VPS37A: variants seen among roughly 807,000 people sequenced by gnomAD.
VPS37A encodes vacuolar protein sorting-associated protein 37A.
VPS37A carries 30 observed loss-of-function variants against 49.8 expected under a neutral mutation model. That is an observed-to-expected ratio of 0.60 (90% CI 0.45 to 0.82). The LOEUF is 0.82. Ranked by LOEUF, VPS37A falls within the 40% of genes least tolerant of loss-of-function variation. The pLI, the probability that VPS37A is intolerant of heterozygous loss-of-function variation, is 0.00. For missense variants in VPS37A, 593 were observed against 464.4 expected (o/e 1.28, Z -2.55); for synonymous variants, 195 against 160.6 (o/e 1.21, Z -1.62).
At chr8:17,252,968 CATTAA>C (rs1482788783) in intron 1 of VPS37A, among the ~76,000 whole-genome samples, 1 of 152,140 alleles carries the variant, frequency 6.6e-6, no homozygotes, top group African/African-American at 2.4e-5. Flanking sequence ...AACTTTGACA[CATTAA>C]ATTATATTGT....
chr8:17,289,615 G>A (rs1389948677), intron 11 of VPS37A, among the ~76,000 whole-genome samples: 1 of 152,146 alleles, frequency 6.6e-6, no homozygotes, highest in Non-Finnish European at 1.5e-5. Context: ...TTGTAGTATA[G>A]TTTGAAGTCA....
chr8:17,276,775 C>G (rs1197534435), intron 6 of VPS37A, among the ~76,000 whole-genome samples: 2 of 152,078 alleles, frequency 1.3e-5, no homozygotes, highest in Non-Finnish European at 2.9e-5. Flanking sequence ...TTATTCCTGA[C>G]AATTTCAAAA....
chr8:17,262,838 A>G (rs756949722), intron 1 of VPS37A, among the ~76,000 whole-genome samples: 49 of 152,060 alleles, frequency 3.2e-4, no homozygotes, highest in Non-Finnish European at 5.4e-4. Flanking sequence ...CGAGGCGGGC[A>G]GATCACGAGG....
intron 1 of VPS37A, among the ~76,000 whole-genome samples, chr8:17,262,810 C>A (rs1326469543): frequency 6.6e-6 from 1 of 152,054 alleles, no homozygotes; most frequent in Non-Finnish European, 1.5e-5. Flanking sequence ...CGCCTGTAAT[C>A]CTAGCACTTT....
intron 1 of VPS37A, among the ~76,000 whole-genome samples, chr8:17,250,162 C>G (rs1490960661): frequency 6.6e-6 from 1 of 152,130 alleles, no homozygotes; most frequent in African/African-American, 2.4e-5. Context: ...ATTCTGGTTT[C>G]TATGACTTCT....
intron 1 of VPS37A, among the ~76,000 whole-genome samples, chr8:17,263,981 A>G (rs1159365762): frequency 6.6e-6 from 1 of 152,170 alleles, no homozygotes; most frequent in African/African-American, 2.4e-5. Context: ...AAATCTAGAG[A>G]GGGACCAACC....
chr8:17,258,021 A>C (rs926193519), intron 1 of VPS37A, among the ~76,000 whole-genome samples: 4 of 152,122 alleles, frequency 2.6e-5, no homozygotes, highest in African/African-American at 9.7e-5. Context: ...ATCATTTCTA[A>C]CAGGTTTTTT....
chr8:17,288,125 A>C (rs1343748822), intron 11 of VPS37A, among the ~76,000 whole-genome samples: 1 of 152,202 alleles, frequency 6.6e-6, no homozygotes, highest in Admixed American at 6.5e-5. Flanking sequence ...CCAGCTTAAG[A>C]AGAAGTAGAC....
At chr8:17,298,078 C>G (rs1816846548), downstream of VPS37A, 1 of 151,950 alleles carries the variant, frequency 6.6e-6, no homozygotes, top group Non-Finnish European at 1.5e-5. Flanking sequence ...CATACACTGT[C>G]AAACGGAAGA....
chr8:17,247,068 A>C lies in VPS37A; in HGVS notation c.-177A>C, dbSNP rs573367631. On this transcript the variant is annotated 5_prime_UTR_variant, in exon 1 of 12. An upstream start codon of the reference 5' UTR is lost. Transcript: ENST00000324849. Reference sequence around the variant, plus strand: ...TCTCCAGCCGCCCGCCGTTCGTAGCATGTCCCCCAGAACTCGGGGAGCGCA... The same window carrying C: ...TCTCCAGCCGCCCGCCGTTCGTAGCCTGTCCCCCAGAACTCGGGGAGCGCA... 56 of 785,000 alleles carry C rather than the reference A, an allele frequency of 7.1e-5. No individual in the cohort carries two copies. In the Admixed American group the frequency reaches 1.2e-3, roughly 16 times the overall value. 48.6% of individuals were successfully genotyped at this position (785,000 alleles called of 1,614,324 possible). A position where few individuals can be genotyped will look rare whatever the true frequency, so the allele number is the denominator to read the frequency against.
At chr8:17,320,110 A>G in the VPS37A span, among the ~76,000 whole-genome samples, 1 of 151,984 alleles carries the variant, frequency 6.6e-6, no homozygotes, top group South Asian at 2.1e-4. Flanking sequence ...TAAATAAAAT[A>G]CATTATGAAA....
the VPS37A span, among the ~76,000 whole-genome samples, chr8:17,316,722 C>G: frequency 6.6e-6 from 1 of 152,218 alleles, no homozygotes; most frequent in African/African-American, 2.4e-5. Flanking sequence ...ACTATTTACA[C>G]AGCACCTACA....
At chr8:17,263,330 G>T (rs939106755) in intron 1 of VPS37A, among the ~76,000 whole-genome samples, 2 of 152,058 alleles carry the variant, frequency 1.3e-5, no homozygotes, top group African/African-American at 4.8e-5. Context: ...TCACATTTGT[G>T]ATGAATATTC....
downstream of VPS37A, chr8:17,298,454 C>G (rs1282386337): frequency 6.6e-6 from 1 of 152,050 alleles, no homozygotes; most frequent in Non-Finnish European, 1.5e-5. Flanking sequence ...TATATTGCAA[C>G]ACTCCCTCCA....
At chr8:17,311,225 A>G in the VPS37A span, among the ~76,000 whole-genome samples, 115 of 152,348 alleles carry the variant, frequency 7.5e-4, no homozygotes, top group Non-Finnish European at 1.2e-3. Context: ...GATATATAAA[A>G]TTGGCTTACA....
chr8:17,258,701 C>CT lies in VPS37A; in HGVS notation c.126-7203dup, dbSNP rs1313121032. Among the ~76,000 whole-genome samples the CT allele has an allele frequency of 2.0e-5, 3 of 152,092 alleles. No homozygotes were observed. In the East Asian group the frequency reaches 5.8e-4, roughly 29 times the overall value. The stretch of plus-strand genomic sequence containing the variant: ...AGCATGAGTAGAATTGTTATTAGTT[C>CT]TTTAAGTGTTTGGTAGAATTCACCA... On this transcript the variant is annotated intron_variant, in intron 1 of 11. Transcript: ENST00000324849.
chr8:17,294,610 C>T (rs1035060608), intron 11 of VPS37A, among the ~76,000 whole-genome samples: 5 of 152,140 alleles, frequency 3.3e-5, no homozygotes, highest in East Asian at 1.9e-4. Context: ...CTGTGGGTTG[C>T]GAAGACCGTG....
chr8:17,280,358 T>C lies in VPS37A; in HGVS notation c.901-17T>C, dbSNP rs1287172511. ...TTTAAAAATAGAATAAAACAACCTT[T>C]TCATTTTCTCTTTTAGTATGAATTA... On this transcript the variant is annotated splice_polypyrimidine_tract_variant and intron_variant, in intron 8 of 11. Coordinates refer to ENST00000324849, the MANE Select transcript of VPS37A (RefSeq NM_152415.3). 6.2e-7 allele frequency: 1 copy of C among 1,602,702 alleles called. No individual in the cohort carries two copies. The highest frequency in any genetic ancestry group is 2.2e-5 in the East Asian group (1 of 44,758).
the VPS37A span, among the ~76,000 whole-genome samples, chr8:17,330,022 T>G: frequency 6.6e-6 from 1 of 152,206 alleles, no homozygotes; most frequent in African/African-American, 2.4e-5. Flanking sequence ...GGCCTAATCC[T>G]GTCATTCTGC....
Sources: gnomAD v4.1 joint callset for allele counts (sites outside exome capture counted in the v4.1 genomes callset) on GRCh38, gnomAD v4.1.1 for gene constraint, MANE v1.5 for transcripts, NCBI Gene and HGNC (gene_info 2026-07-23, HGNC 2026-07-21) for gene names.